The following LRIG1 variants were observed in gnomAD, a reference collection of about 807,000 sequenced individuals.
LRIG1 encodes the protein leucine-rich repeats and immunoglobulin-like domains protein 1.
Under a neutral mutation model 99.2 loss-of-function variants are expected in LRIG1, and 48 were observed. That is an observed-to-expected ratio of 0.48 (90% CI 0.38 to 0.62). The LOEUF is 0.62. Ranked by LOEUF, LRIG1 falls within the 20% of genes least tolerant of loss-of-function variation. LRIG1 has a pLI of 0.00. For synonymous variants in LRIG1, 772 were observed against 596.1 expected (o/e 1.29, Z -4.30); for missense variants, 1,646 against 1,434.4 (o/e 1.15, Z -2.38).
At chr3:66,410,042 T>C (rs1702413138) in intron 7 of LRIG1, 87 bp downstream of exon 7, 3 of 1,409,518 alleles carry the variant, frequency 2.1e-6, no homozygotes, top group Admixed American at 2.2e-5. Flanking sequence ...CCGAGGCCAC[T>C]GTGTGGTGGA....
chr3:66,489,343 G>A (rs1212518663), intron 1 of LRIG1, among the ~76,000 whole-genome samples: 1 of 152,146 alleles, frequency 6.6e-6, no homozygotes, highest in African/African-American at 2.4e-5. Flanking sequence ...GGGCAACACA[G>A]CAAGATCCCA....
chr3:66,434,774 A>C (rs1703294858), intron 3 of LRIG1, among the ~76,000 whole-genome samples: 1 of 147,558 alleles, frequency 6.8e-6, no homozygotes, highest in African/African-American at 2.5e-5. Flanking sequence ...AAAAAAAAAA[A>C]CACACCACCA....
intron 2 of LRIG1, among the ~76,000 whole-genome samples, chr3:66,456,277 G>T (rs993750803): frequency 1.6e-4 from 25 of 152,158 alleles, no homozygotes; most frequent in Admixed American, 7.2e-4. Context: ...AGATACACAG[G>T]ATATGCTTAA....
intron 3 of LRIG1, 97 bp from the exon 4 acceptor site, chr3:66,417,363 A>C: frequency 1.6e-6 from 2 of 1,222,868 alleles, no homozygotes; most frequent in Non-Finnish European, 2.3e-6. Context: ...CAATATAACT[A>C]CAATGCAGTG....
At position 66,417,149 on chromosome 3, in the gene LRIG1, G is replaced by A. The variant is rs1215854108; in HGVS notation, c.483C>T (p.His161=). The A allele has an allele frequency of 8.1e-6, 13 of 1,614,042 alleles. No individual in the cohort carries two copies. Among genetic ancestry groups the A allele is most frequent in the African/African-American group, 6.7e-5 (5 of 74,928 alleles). ...CTTACAGCTCCTTTATAGGCGGTCC[G>A]TGTGGAAAGCAGGTGTTCCGCACTT... ...ITEVRNTCFP[H]GPPIKELNLA... Residue 161 remains histidine (H), a synonymous_variant, in exon 4 of 19, where the codon CAC becomes CAT. Coordinates refer to ENST00000273261, the MANE Select transcript of LRIG1 (RefSeq NM_015541.3).
chr3:66,436,682 A>G (rs1360408688), intron 3 of LRIG1, among the ~76,000 whole-genome samples: 1 of 151,962 alleles, frequency 6.6e-6, no homozygotes, highest in Non-Finnish European at 1.5e-5. Flanking sequence ...AGGAGGGGGG[A>G]ATATATGCCT....
At chr3:66,438,392 C>T (rs1180347882) in intron 3 of LRIG1, among the ~76,000 whole-genome samples, 2 of 152,164 alleles carry the variant, frequency 1.3e-5, no homozygotes, top group South Asian at 2.1e-4. Context: ...CCCAGGCCTC[C>T]AGTAGGGAAG....
At position 66,414,400 on chromosome 3, in the gene LRIG1, AAAT is replaced by A. The variant is rs201775284; in HGVS notation, c.647+517_647+519del. 2.4e-4 allele frequency among the ~76,000 whole-genome samples: 37 copies of A among 151,254 alleles called. No individual in the cohort carries two copies. The East Asian group carries it at 7.1e-3, about 29-fold the overall frequency. On this transcript the variant is annotated intron_variant, in intron 5 of 18. Transcript: ENST00000273261. ...GACAGAGCGAGACTGTCGCAAAAAA[AAAT>A]AATAATAAATAAATAAATAATAATA...
intron 3 of LRIG1, among the ~76,000 whole-genome samples, chr3:66,422,829 T>C (rs1339046637): frequency 1.3e-5 from 2 of 152,202 alleles, no homozygotes; most frequent in South Asian, 2.1e-4. Flanking sequence ...GAGATTTAAT[T>C]GGACACACAG....
chr3:66,386,016 G>C lies in LRIG1; in HGVS notation c.1754C>G (p.Ser585Cys). ...YQCVITNHFG[S>C]TYSHKARLTV... is the part of the protein sequence containing the mutation. ...GAGCCTGGCCTTATGTGAATAGGTG[G>C]AGCCAAAGTGGTTGGTGATGACACA... The change falls in exon 13 of 19, where the codon TCC (serine) becomes TGC (cysteine). Residue 585 changes from serine to cysteine, a missense_variant. By Grantham distance (112) the Ser-to-Cys change is moderately radical (BLOSUM62 -1). Coordinates refer to ENST00000273261, the MANE Select transcript of LRIG1 (RefSeq NM_015541.3). 3 of 1,614,208 alleles carry C rather than the reference G, an allele frequency of 1.9e-6. No individual in the cohort carries two copies. The highest frequency in any genetic ancestry group is 1.1e-5 in the South Asian group (1 of 91,078).
chr3:66,483,728 GA>G (rs1312281417), intron 1 of LRIG1, among the ~76,000 whole-genome samples: 1 of 152,208 alleles, frequency 6.6e-6, no homozygotes, highest in African/African-American at 2.4e-5. Flanking sequence ...GTCAACTCTG[GA>G]AAAGCAGGCT....
intron 1 of LRIG1, among the ~76,000 whole-genome samples, chr3:66,484,512 G>A (rs535420745): frequency 1.3e-4 from 20 of 152,190 alleles, no homozygotes; most frequent in Non-Finnish European, 2.6e-4. Flanking sequence ...GGGGAGAAAC[G>A]TTTAAGACAG....
intron 1 of LRIG1, among the ~76,000 whole-genome samples, chr3:66,491,423 G>A (rs2106924672): frequency 1.3e-5 from 2 of 152,234 alleles, no homozygotes; most frequent in East Asian, 3.9e-4. Context: ...GCACATTCTG[G>A]CAGAGGACTA....
At chr3:66,446,112 CCT>C (rs773671327) in intron 3 of LRIG1, among the ~76,000 whole-genome samples, 2 of 152,138 alleles carry the variant, frequency 1.3e-5, no homozygotes, top group African/African-American at 4.8e-5. Flanking sequence ...TGATTTCGCC[CCT>C]CTTTTTTTCC....
At chr3:66,382,567 A>G (rs1486307301) in intron 15 of LRIG1, among the ~76,000 whole-genome samples, 169 bp from the exon 16 acceptor site, 1 of 142,214 alleles carries the variant, frequency 7.0e-6, no homozygotes, top group Non-Finnish European at 1.5e-5. Flanking sequence ...GAGCCTGCTC[A>G]GCTTTACTCT....
rs150899359 is a variant in LRIG1, at chr3:66,380,627, C to G, written c.3005G>C (p.Arg1002Thr). 4.8e-5 allele frequency: 78 copies of G among 1,614,100 alleles called. No individual in the cohort carries two copies. Among genetic ancestry groups the G allele is most frequent in the Non-Finnish European group, 6.1e-5 (72 of 1,180,054 alleles). ...CTTTTTCTTCACAGCCGTCAGCATT[C>G]TATCGTGGTTACTGGGGTAGAGCGA... The part of the protein sequence containing the change: ...QGSLYPSNHD[R>T]MLTAVKKKPM... Residue 1002 changes from arginine to threonine, a missense_variant, in exon 18 of 19, where the codon AGA becomes ACA. Physicochemically the swap from Arg to Thr is moderately conservative, Grantham distance 71 (BLOSUM62 -1). Transcript: ENST00000273261.
chr3:66,470,925 C>T (rs1056921551), intron 1 of LRIG1, among the ~76,000 whole-genome samples: 1 of 152,132 alleles, frequency 6.6e-6, no homozygotes, highest in Non-Finnish European at 1.5e-5. Context: ...CAGTTTAGTA[C>T]TGAGGAAAGC....
In LRIG1 at chr3:66,410,182, G is replaced by A. The variant is rs886277641; in HGVS notation, c.882C>T (p.Ser294=). The A allele has an allele frequency of 1.2e-6, 2 of 1,614,194 alleles. No homozygotes were observed. Among genetic ancestry groups the A allele is most frequent in the East Asian group, 2.2e-5 (1 of 44,890 alleles). ...AGCCCTTGCGGTGAATGCGAGCGAT[G>A]GAATTGTTGCTGAGGTGGAGCTGAT... ...ALHQLHLSNN[S]IARIHRKGWS... The change falls in exon 7 of 19, where the codon TCC becomes TCT. Residue 294 remains serine, a synonymous_variant. Transcript: ENST00000273261.
chr3:66,386,124 T>C lies in LRIG1; in HGVS notation c.1646A>G (p.His549Arg). ...CTCCATCACTTCCCCGTCCTGCGCGTGGACGTGGACAAAGTTCTCCATGTC... is the reference window on the plus strand; with the variant it reads ...CTCCATCACTTCCCCGTCCTGCGCGCGGACGTGGACAAAGTTCTCCATGTC... ...NADMENFVHV[H>R]AQDGEVMEYT... Residue 549 changes from histidine to arginine, a missense_variant, in exon 13 of 19, where the codon CAC becomes CGC. Coordinates refer to ENST00000273261, the MANE Select transcript of LRIG1 (RefSeq NM_015541.3). 1 of 1,614,148 alleles carries C rather than the reference T, an allele frequency of 6.2e-7. No individual in the cohort carries two copies. The highest frequency in any genetic ancestry group is 8.5e-7 in the Non-Finnish European group (1 of 1,180,018).
Sources: gnomAD v4.1 joint callset for allele counts (sites outside exome capture counted in the v4.1 genomes callset) on GRCh38, gnomAD v4.1.1 for gene constraint, MANE v1.5 for transcripts, NCBI Gene and HGNC (gene_info 2026-07-23, HGNC 2026-07-21) for gene names.